CLVS1: variants seen among roughly 807,000 people sequenced by gnomAD.
The protein encoded by CLVS1 is clavesin 1, also known as clavesin-1.
Under a neutral mutation model 33.1 loss-of-function variants are expected in CLVS1, and 10 were observed. The observed-to-expected ratio is 0.30, with a 90% CI of 0.19 to 0.51. CLVS1 has a LOEUF of 0.51. Among genes scored for constraint, CLVS1 ranks in the 20% least tolerant of loss-of-function variants. The probability of loss-of-function intolerance (pLI) is 0.97; values close to 1 mark genes in which losing one functional copy is unlikely to be tolerated. For missense variants in CLVS1, 343 were observed against 433.4 expected, an observed-to-expected ratio of 0.79 and a Z score of 1.85; for synonymous variants, 163 against 166.1, an observed-to-expected ratio of 0.98 and a Z score of 0.14.
chr8:61,499,892 C>A lies in CLVS1; in HGVS notation c.*350C>A. ...GGACAAGAATTTTTCTGAGGTATCACACAGGGACCCTCTCCAGTTTTTGAA... is the reference window on the plus strand; with the variant it reads ...GGACAAGAATTTTTCTGAGGTATCAAACAGGGACCCTCTCCAGTTTTTGAA... On this transcript the variant is annotated 3_prime_UTR_variant, in exon 6 of 6. Coordinates refer to ENST00000325897, the MANE Select transcript of CLVS1 (RefSeq NM_173519.3). 1 of 181,456 alleles carries A rather than the reference C, an allele frequency of 5.5e-6. No homozygotes were observed. The highest frequency in any genetic ancestry group is 1.5e-4 in the South Asian group (1 of 6,878). 11.2% of individuals were successfully genotyped at this position (181,456 alleles called of 1,614,324 possible). A position where few individuals can be genotyped will look rare whatever the true frequency, so the allele number is the denominator to read the frequency against.
intron 2 of CLVS1, among the ~76,000 whole-genome samples, chr8:61,279,583 T>A (rs969855464): frequency 6.6e-6 from 1 of 151,942 alleles, no homozygotes; most frequent in Non-Finnish European, 1.5e-5. Context: ...GTAGCATTCA[T>A]TTGCCAAACC....
At chr8:61,353,256 G>A (rs1316138886) in intron 2 of CLVS1, among the ~76,000 whole-genome samples, 1 of 152,014 alleles carries the variant, frequency 6.6e-6, no homozygotes, top group Non-Finnish European at 1.5e-5. Context: ...ATTTTTTAAA[G>A]TGCCTGTGGA....
chr8:61,026,396 C>G, the CLVS1 span, among the ~76,000 whole-genome samples: 1 of 152,220 alleles, frequency 6.6e-6, no homozygotes, highest in African/African-American at 2.4e-5. Flanking sequence ...GTTTAAGTCA[C>G]ACAGTCTGTG....
chr8:61,270,225 G>C (rs1248879494), intron 2 of CLVS1, among the ~76,000 whole-genome samples: 2 of 152,098 alleles, frequency 1.3e-5, no homozygotes, highest in Non-Finnish European at 2.9e-5. Context: ...TAGCATGAAG[G>C]GTTGTTGAAT....
the CLVS1 span, among the ~76,000 whole-genome samples, chr8:60,973,774 G>A: frequency 6.6e-6 from 1 of 152,116 alleles, no homozygotes; most frequent in East Asian, 1.9e-4. Flanking sequence ...GCTCATGCTC[G>A]AGCTCACTCG....
At chr8:61,399,316 G>T (rs562636194) in intron 3 of CLVS1, among the ~76,000 whole-genome samples, 12 of 152,100 alleles carry the variant, frequency 7.9e-5, no homozygotes, top group South Asian at 6.2e-4. Context: ...TCATGTGTTT[G>T]TTGGCCACAT....
intron 3 of CLVS1, among the ~76,000 whole-genome samples, chr8:61,434,068 T>A (rs73685026): frequency 6.6e-6 from 1 of 152,002 alleles, no homozygotes; most frequent in African/African-American, 2.4e-5. Context: ...CTGCAGGACA[T>A]GAAGCTGAAG....
At chr8:61,067,129 C>A (rs184416709) in intron 1 of CLVS1, among the ~76,000 whole-genome samples, 1 of 152,202 alleles carries the variant, frequency 6.6e-6, no homozygotes, top group Non-Finnish European at 1.5e-5. Context: ...ATTTCTCCTA[C>A]ACCCTGACCT....
chr8:61,142,827 A>C (rs145517579), intron 2 of CLVS1, among the ~76,000 whole-genome samples: 184 of 152,280 alleles, frequency 1.2e-3, no homozygotes, highest in African/African-American at 4.1e-3. Context: ...ATCTGGTGAT[A>C]TTTTCATAGA....
chr8:61,485,075 A>G (rs1032229811), intron 5 of CLVS1, among the ~76,000 whole-genome samples: 8 of 152,294 alleles, frequency 5.3e-5, no homozygotes, highest in African/African-American at 1.9e-4. Context: ...AATGGCAACA[A>G]AAGCCAAAAT....
chr8:61,373,662 T>A (rs746967794), intron 2 of CLVS1, among the ~76,000 whole-genome samples: 1 of 152,172 alleles, frequency 6.6e-6, no homozygotes, highest in Non-Finnish European at 1.5e-5. Context: ...CCCAAAAGAG[T>A]ATTTGCTGTG....
At chr8:61,188,808 G>C (rs1326407160) in intron 2 of CLVS1, among the ~76,000 whole-genome samples, 1 of 152,018 alleles carries the variant, frequency 6.6e-6, no homozygotes, top group Non-Finnish European at 1.5e-5. Flanking sequence ...ATATTTAACA[G>C]AAATGCTCTG....
chr8:60,966,461 G>A, the CLVS1 span: 1 of 444,048 alleles, frequency 2.3e-6, no homozygotes, highest in Non-Finnish European at 4.5e-6. Context: ...AGTCATTCTG[G>A]AGAACAAGGT....
At chr8:61,239,018 A>G (rs759598883) in intron 2 of CLVS1, among the ~76,000 whole-genome samples, 41 of 152,240 alleles carry the variant, frequency 2.7e-4, no homozygotes, top group Non-Finnish European at 4.7e-4. Context: ...CTTCCAGCAG[A>G]TATAACAGTG....
intron 3 of CLVS1, among the ~76,000 whole-genome samples, chr8:61,381,316 C>T (rs1813868119): frequency 6.6e-6 from 1 of 152,064 alleles, no homozygotes; most frequent in East Asian, 1.9e-4. Flanking sequence ...AACTTTTAGT[C>T]CAGGTAGGAT....
At chr8:61,072,509 A>G (rs1804817041) in intron 1 of CLVS1, among the ~76,000 whole-genome samples, 1 of 152,216 alleles carries the variant, frequency 6.6e-6, no homozygotes, top group Admixed American at 6.5e-5. Flanking sequence ...CTCTTATTCC[A>G]AGCATGCATC....
chr8:61,104,350 T>C (rs780785345), intron 1 of CLVS1, among the ~76,000 whole-genome samples: 2 of 152,198 alleles, frequency 1.3e-5, no homozygotes, highest in African/African-American at 2.4e-5. Context: ...CAGATTTAAA[T>C]TGATGTGCTG....
intron 5 of CLVS1, among the ~76,000 whole-genome samples, chr8:61,468,735 A>AAAAAAAAAAAAAAAAAAAAG (rs1217287345): frequency 4.3e-5 from 6 of 138,738 alleles, no homozygotes; most frequent in African/African-American, 1.5e-4. Flanking sequence ...AAAAAAAAAA[A>AAAAAAAAAAAAAAAAAAAAG]AAAAGGTAGT....
chr8:61,355,288 CTT>C (rs77838180), intron 2 of CLVS1, among the ~76,000 whole-genome samples: 4 of 145,726 alleles, frequency 2.7e-5, no homozygotes, highest in Non-Finnish European at 4.6e-5. Flanking sequence ...GAAGAAGTTT[CTT>C]TTTTTTTTTA....
Sources: gnomAD v4.1 joint callset for allele counts (sites outside exome capture counted in the v4.1 genomes callset) on GRCh38, gnomAD v4.1.1 for gene constraint, MANE v1.5 for transcripts, NCBI Gene and HGNC (gene_info 2026-07-23, HGNC 2026-07-21) for gene names.